The following SPTB variants were observed in gnomAD, a reference collection of about 807,000 sequenced individuals.
The protein encoded by SPTB is spectrin beta, erythrocytic, also known as spectrin beta chain, erythrocytic.
In SPTB, 45 loss-of-function variants were observed where a neutral mutation model predicts 256.2. The ratio of observed to expected loss-of-function variants is 0.18; its 90% CI spans 0.14 to 0.23. The LOEUF is 0.23. Among genes scored for constraint, SPTB ranks in the 10% least tolerant of loss-of-function variants. SPTB has a pLI of 1.00. For synonymous variants in SPTB, 1,231 were observed against 1,243.1 expected (o/e 0.99, Z 0.21); for missense variants, 2,715 against 3,040.4 (o/e 0.89, Z 2.52).
chr14:64,838,681 T>G lies in SPTB; in HGVS notation c.-51-15536A>C, dbSNP rs1483343941. 2.0e-5 allele frequency among the ~76,000 whole-genome samples: 3 copies of G among 152,030 alleles called. No homozygotes were observed. The East Asian group carries it at 5.8e-4, about 29-fold the overall frequency. ...AGGAAAATGTAAATTAAAACCACAA[T>G]TAGACACCACTCTATACCTATCAGA... On this transcript the variant is annotated intron_variant, in intron 1 of 35. Coordinates refer to ENST00000644917, the MANE Select transcript of SPTB (RefSeq NM_001355436.2).
Position 64,777,032 on chromosome 14 carries a change from G to A in SPTB, c.4564-1629C>T, listed in dbSNP as rs2082370152. ...TGGGGGCTACGAGGAAAAGACAACA[G>A]TGGGATGGAGAATGTCTGCTGCGAT... is the stretch of plus-strand genomic sequence containing the variant. On this transcript the variant is annotated intron_variant, in intron 22 of 35. Transcript: ENST00000644917. The surrounding 1 kb of genome is among the most constrained non-coding windows in gnomAD (Gnocchi z 4.5). Among the ~76,000 whole-genome samples the A allele has an allele frequency of 1.3e-5, 2 of 152,246 alleles. No individual in the cohort carries two copies. Among genetic ancestry groups the A allele is most frequent in the South Asian group, 4.1e-4 (2 of 4,832 alleles).
intron 25 of SPTB, 76 bp downstream of exon 25, chr14:64,773,142 CTG>C: frequency 1.3e-6 from 2 of 1,591,018 alleles, no homozygotes; most frequent in Non-Finnish European, 1.7e-6. Flanking sequence ...ATGCAGCACT[CTG>C]TGTGTCTTGA....
At chr14:64,832,639 T>C (rs1295869110) in intron 1 of SPTB, among the ~76,000 whole-genome samples, 3 of 152,170 alleles carry the variant, frequency 2.0e-5, no homozygotes, top group African/African-American at 7.2e-5. Context: ...GCCCCTCATG[T>C]TCACCCTAAC....
chr14:64,801,856 A>C, intron 5 of SPTB, 22 bp from the exon 6 acceptor site: 4 of 1,609,030 alleles, frequency 2.5e-6, no homozygotes, highest in Non-Finnish European at 3.4e-6. Flanking sequence ...AGAAACAGTA[A>C]GAGCTAAGAA....
Position 64,758,915 on chromosome 14 carries a change from G to A in SPTB, c.6346-5122C>T, listed in dbSNP as rs1378292408. ...CCTTTTATTTCTAGCCATGCCTCTGGGAGGGGTATGTAGGTAGAATCAACA... is the reference window on the plus strand; with the variant it reads ...CCTTTTATTTCTAGCCATGCCTCTGAGAGGGGTATGTAGGTAGAATCAACA... On this transcript the variant is annotated intron_variant, in intron 32 of 35. Transcript: ENST00000644917. The surrounding 1 kb of genome is among the most constrained non-coding windows in gnomAD (Gnocchi z 4.6). 6.6e-6 allele frequency among the ~76,000 whole-genome samples: 1 copy of A among 151,972 alleles called. No individual in the cohort carries two copies. The highest frequency in any genetic ancestry group is 2.4e-5 in the African/African-American group (1 of 41,356).
At chr14:64,771,777 C>A (rs1181062854) in intron 26 of SPTB, among the ~76,000 whole-genome samples, 2 of 152,230 alleles carry the variant, frequency 1.3e-5, no homozygotes, top group Non-Finnish European at 2.9e-5. Flanking sequence ...AGGCCCTCCA[C>A]TCCAGCTGGA....
intron 1 of SPTB, among the ~76,000 whole-genome samples, chr14:64,833,049 T>C (rs1475131890): frequency 6.6e-6 from 1 of 152,242 alleles, no homozygotes; most frequent in Admixed American, 6.5e-5. Flanking sequence ...CTTTGTGATC[T>C]AGTCCCTCCC....
chr14:64,840,477 G>A (rs967248475), intron 1 of SPTB, among the ~76,000 whole-genome samples: 2 of 152,196 alleles, frequency 1.3e-5, no homozygotes, highest in Non-Finnish European at 2.9e-5. Context: ...AAGGACTGCC[G>A]CAAATGCATG....
chr14:64,795,219 T>C lies in SPTB; in HGVS notation c.1644+118A>G. The C allele has an allele frequency of 8.1e-7, 1 of 1,230,724 alleles. No homozygotes were observed. The highest frequency in any genetic ancestry group is 1.4e-5 in the South Asian group (1 of 71,842). The allele number at this position is 1,230,724 out of a possible 1,614,324, so 76.2% of individuals were successfully genotyped here. On this transcript the variant is annotated intron_variant, in intron 12 of 35. Coordinates refer to ENST00000644917, the MANE Select transcript of SPTB (RefSeq NM_001355436.2). This position sits in a 1 kb window ranked among gnomAD's most constrained non-coding sequence, Gnocchi z 6.5. ...CACTTTGCTGCCTCAGTTTCTCTAT[T>C]TTGACTCAGAGATATGACTGGCTGG...
chr14:64,875,432 G>A lies in SPTB; in HGVS notation c.-52+4360C>T, dbSNP rs558168690. ...ATGGCATTTTCTAAATATTTACCAAGGGGAGTTGGCAATCCGTGAGCAGAG... is the reference window on the plus strand; with the variant it reads ...ATGGCATTTTCTAAATATTTACCAAAGGGAGTTGGCAATCCGTGAGCAGAG... On this transcript the variant is annotated intron_variant, in intron 1 of 35. Coordinates refer to ENST00000644917, the MANE Select transcript of SPTB (RefSeq NM_001355436.2). Among the ~76,000 whole-genome samples the A allele has an allele frequency of 2.0e-5, 3 of 152,264 alleles. No homozygotes were observed. In the South Asian group the frequency reaches 6.2e-4, roughly 32 times the overall value.
At chr14:64,848,282 T>C (rs536735319) in intron 1 of SPTB, among the ~76,000 whole-genome samples, 1 of 152,362 alleles carries the variant, frequency 6.6e-6, no homozygotes, top group African/African-American at 2.4e-5. Context: ...TTGCTTTTTA[T>C]TGTGGAGACC....
intron 1 of SPTB, among the ~76,000 whole-genome samples, chr14:64,833,372 G>A (rs1221147364): frequency 3.3e-5 from 5 of 152,104 alleles, no homozygotes; most frequent in African/African-American, 1.2e-4. Context: ...CCAACATGGT[G>A]AAACAGAGGC....
rs770479679 is a variant in SPTB at position 64,749,933 on chromosome 14, C to T, written c.6776+48G>A. On this transcript the variant is annotated intron_variant, in intron 34 of 35. Transcript: ENST00000644917. The surrounding 1 kb of genome is among the most constrained non-coding windows in gnomAD (Gnocchi z 4.7). ...GAGGGCCTCTGCCCTGCCACTAATG[C>T]CAAATCAAGCCATCAACCCGAGCTT... 9.5e-5 allele frequency: 153 copies of T among 1,613,208 alleles called. No individual in the cohort carries two copies. The highest frequency in any genetic ancestry group is 4.5e-4 in the Admixed American group (27 of 60,008).
intron 8 of SPTB, 105 bp downstream of exon 8, chr14:64,800,651 G>T: frequency 4.1e-6 from 4 of 979,532 alleles, no homozygotes; most frequent in Non-Finnish European, 6.4e-6. Context: ...TTGGGGGGTG[G>T]GTGAGCTGTA....
chr14:64,834,067 C>A (rs2083486255), intron 1 of SPTB, among the ~76,000 whole-genome samples: 1 of 152,162 alleles, frequency 6.6e-6, no homozygotes, highest in South Asian at 2.1e-4. Flanking sequence ...CACTCTGTCA[C>A]CCAGGCTGGA....
chr14:64,848,205 A>G lies in SPTB; in HGVS notation c.-51-25060T>C, dbSNP rs144521331. Among the ~76,000 whole-genome samples, 341 of 152,330 alleles carry G rather than the reference A, an allele frequency of 2.2e-3. 5 individuals are homozygous for G. In the East Asian group the frequency reaches 0.045, roughly 20 times the overall value. ...CTTCCACAAAGGTAGAAATCTGTTT[A>G]GAGGCATACACTTAGGGAGGACACT... On this transcript the variant is annotated intron_variant, in intron 1 of 35. Transcript: ENST00000644917.
chr14:64,779,351 T>A lies in SPTB; in HGVS notation c.4474-105A>T, dbSNP rs2139531166. The A allele has an allele frequency of 1.1e-6, 1 of 932,644 alleles. No homozygotes were observed. Among genetic ancestry groups the A allele is most frequent in the East Asian group, 2.6e-5 (1 of 38,176 alleles). 57.8% of individuals were successfully genotyped at this position (932,644 alleles called of 1,614,324 possible). A position where few individuals can be genotyped will look rare whatever the true frequency, so the allele number is the denominator to read the frequency against. ...AGCTTTGCTGGCAGTGTCTCCCCAG[T>A]TCCTCCCAACACCCCATCAGGGTTT... On this transcript the variant is annotated intron_variant, in intron 21 of 35. Coordinates refer to ENST00000644917, the MANE Select transcript of SPTB (RefSeq NM_001355436.2). The surrounding 1 kb of genome is among the most constrained non-coding windows in gnomAD (Gnocchi z 4.2).
chr14:64,859,367 C>T (rs1289480648), intron 1 of SPTB, among the ~76,000 whole-genome samples: 3 of 152,152 alleles, frequency 2.0e-5, no homozygotes, highest in Non-Finnish European at 2.9e-5. Flanking sequence ...TATGCATATG[C>T]GGAAAGATGA....
Position 64,778,358 on chromosome 14 carries a change from T to A in SPTB, c.4563+799A>T, listed in dbSNP as rs1234101370. On this transcript the variant is annotated intron_variant, in intron 22 of 35. Transcript: ENST00000644917. The surrounding 1 kb of genome is among the most constrained non-coding windows in gnomAD (Gnocchi z 5.2). ...TACTAACCGGGCACTCTGGGACATG[T>A]CACTTTTATCTGGGATCTAAGTTCC... Among the ~76,000 whole-genome samples, 1 of 152,136 alleles carries A rather than the reference T, an allele frequency of 6.6e-6. No homozygotes were observed. The highest frequency in any genetic ancestry group is 2.4e-5 in the African/African-American group (1 of 41,430).
Sources: gnomAD v4.1 joint callset for allele counts (sites outside exome capture counted in the v4.1 genomes callset) on GRCh38, gnomAD v4.1.1 for gene constraint, Gnocchi (gnomAD v3.1) non-coding constraint, MANE v1.5 for transcripts, NCBI Gene and HGNC (gene_info 2026-07-23, HGNC 2026-07-21) for gene names.